TSNARE1: variants seen among roughly 807,000 people sequenced by gnomAD.
The protein encoded by TSNARE1 is t-SNARE domain containing 1, also known as t-SNARE domain-containing protein 1.
A neutral mutation model predicts 62.0 loss-of-function variants in TSNARE1; 49 were observed. The observed-to-expected ratio is 0.79, with a 90% CI of 0.63 to 1.00. TSNARE1 has a LOEUF of 1.00. Among genes scored for constraint, TSNARE1 ranks in the 50% least tolerant of loss-of-function variants. The pLI, the probability that TSNARE1 is intolerant of heterozygous loss-of-function variation, is 0.00. For missense variants in TSNARE1, 755 were observed against 700.1 expected (o/e 1.08, Z -0.88); for synonymous variants, 328 against 294.4 (o/e 1.11, Z -1.17).
Position 142,331,768 on chromosome 8 carries a change from C to A in TSNARE1, c.809G>T (p.Arg270Leu). 6.2e-7 allele frequency: 1 copy of A among 1,600,802 alleles called. No homozygotes were observed. Among genetic ancestry groups the A allele is most frequent in the South Asian group, 1.1e-5 (1 of 88,296 alleles). The change falls in exon 5 of 14, where the codon CGA becomes CTA. Residue 270 changes from arginine (R) to leucine (L), a missense_variant. Arg to Leu is a moderately radical substitution (Grantham distance 102, BLOSUM62 -2). Transcript: ENST00000524325. ...LFQEMSANVF[R>L]INSSVTSLER... is the part of the protein sequence containing the mutation. ...CGCACACTCACCACTGGAGTTGATT[C>A]GGAAGACGTTGGCCGACATCTCCTG...
intron 1 of TSNARE1, among the ~76,000 whole-genome samples, chr8:142,362,574 A>G (rs1454320842): frequency 6.6e-6 from 1 of 152,100 alleles, no homozygotes; most frequent in Non-Finnish European, 1.5e-5. Context: ...AAGAGCATAC[A>G]AGCACACTAG....
intron 12 of TSNARE1, among the ~76,000 whole-genome samples, chr8:142,244,058 C>G (rs1181226059): frequency 1.3e-5 from 2 of 152,128 alleles, no homozygotes; most frequent in Admixed American, 6.5e-5. Flanking sequence ...TGGTGGCAGG[C>G]GCCTGTGGTC....
Position 142,320,137 on chromosome 8 carries a change from C to T in TSNARE1, c.894-1503G>A, listed in dbSNP as rs146404581. ...GGGCTGCCACTCGGCCTCCCGTCCC[C>T]GGCCCACTCACCACTGCATCCCCTC... On this transcript the variant is annotated intron_variant, in intron 6 of 13. Transcript: ENST00000524325. 5.6e-3 allele frequency among the ~76,000 whole-genome samples: 849 copies of T among 152,300 alleles called. 11 individuals carry two copies. Among genetic ancestry groups the T allele is most frequent in the African/African-American group, 0.019 (794 of 41,552 alleles).
intron 11 of TSNARE1, chr8:142,278,871 GC>G: frequency 1.1e-6 from 1 of 903,518 alleles, no homozygotes; most frequent in Non-Finnish European, 1.3e-6. Context: ...ACAGCGTGGG[GC>G]GGGGAAGAGT....
chr8:142,367,065 T>C (rs996305640), intron 1 of TSNARE1, among the ~76,000 whole-genome samples: 1 of 152,076 alleles, frequency 6.6e-6, no homozygotes, highest in Non-Finnish European at 1.5e-5. Flanking sequence ...TAACATGAAA[T>C]GGGAAAAATC....
At chr8:142,398,842 TCCTAACAGGA>T (rs1238118749) in intron 1 of TSNARE1, among the ~76,000 whole-genome samples, 3 of 152,094 alleles carry the variant, frequency 2.0e-5, no homozygotes, top group Non-Finnish European at 4.4e-5. Flanking sequence ...TGGGTTCACA[TCCTAACAGGA>T]CCTACCCAAG....
At chr8:142,343,146 C>G (rs1054418791) in intron 4 of TSNARE1, among the ~76,000 whole-genome samples, 2 of 152,146 alleles carry the variant, frequency 1.3e-5, no homozygotes, top group African/African-American at 2.4e-5. Context: ...GCCTCAGCCT[C>G]AGGGTCTGCA....
intron 11 of TSNARE1, chr8:142,279,893 G>A (rs1195607409): frequency 1.9e-6 from 2 of 1,039,400 alleles, no homozygotes; most frequent in Non-Finnish European, 1.2e-6. Context: ...CCCTCGCCTT[G>A]GGGACCGTGG....
chr8:142,388,706 C>T lies in TSNARE1; in HGVS notation c.-40+14398G>A, dbSNP rs192288016. Among the ~76,000 whole-genome samples, 351 of 151,978 alleles carry T rather than the reference C, an allele frequency of 2.3e-3. 2 individuals are homozygous for T. The highest frequency in any genetic ancestry group is 7.5e-3 in the African/African-American group (309 of 41,448). ...CTGAGTAGCTGGGATTACAGGCACA[C>T]GCCACCATGCCCAGCTAGTTTTTGT... On this transcript the variant is annotated intron_variant, in intron 1 of 13. Transcript: ENST00000524325.
chr8:142,257,970 G>A (rs896969899), intron 12 of TSNARE1, among the ~76,000 whole-genome samples: 21 of 151,868 alleles, frequency 1.4e-4, no homozygotes, highest in African/African-American at 4.8e-4. Flanking sequence ...CACACCACCC[G>A]TGCTGTCTCA....
At chr8:142,348,050 C>T (rs555531615) in intron 2 of TSNARE1, among the ~76,000 whole-genome samples, 43 of 152,330 alleles carry the variant, frequency 2.8e-4, no homozygotes, top group Non-Finnish European at 5.1e-4. Flanking sequence ...GGGACATTTG[C>T]TGTTTGCTTT....
Position 142,314,456 on chromosome 8 carries a change from CAA to C in TSNARE1, c.1075-18_1075-17del, listed in dbSNP as rs764690782. On this transcript the variant is annotated splice_polypyrimidine_tract_variant and intron_variant, in intron 8 of 13. Coordinates refer to ENST00000524325, the MANE Select transcript of TSNARE1 (RefSeq NM_145003.5). ...CTGCAATTTTCTGTTGAAAAAAGGACAAGAGAAGAAAGACAGGAAGAGCAAAA... is the reference window on the plus strand; with the variant it reads ...CTGCAATTTTCTGTTGAAAAAAGGACGAGAAGAAAGACAGGAAGAGCAAAA... 2.5e-6 allele frequency: 4 copies of C among 1,612,970 alleles called. No individual in the cohort carries two copies. Among genetic ancestry groups the C allele is most frequent in the Non-Finnish European group, 3.4e-6 (4 of 1,179,362 alleles).
rs561331806 is a variant in TSNARE1, at chr8:142,280,965, G to A, written c.1363+3448C>T. 3.9e-5 allele frequency among the ~76,000 whole-genome samples: 6 copies of A among 152,290 alleles called. No homozygotes were observed. In the East Asian group the frequency reaches 9.7e-4, roughly 25 times the overall value. ...TGAGGGGCCGGCCTGGCCCAGCCCCGCCCCAGGGAGCAGCAGGGTGCTTGA... is the reference window on the plus strand; with the variant it reads ...TGAGGGGCCGGCCTGGCCCAGCCCCACCCCAGGGAGCAGCAGGGTGCTTGA... On this transcript the variant is annotated intron_variant, in intron 11 of 13. Coordinates refer to ENST00000524325, the MANE Select transcript of TSNARE1 (RefSeq NM_145003.5).
chr8:142,262,257 G>T (rs1374612271), intron 12 of TSNARE1, among the ~76,000 whole-genome samples: 1 of 151,994 alleles, frequency 6.6e-6, no homozygotes, highest in African/African-American at 2.4e-5. Context: ...ATTTTGATTG[G>T]AATTGCATTG....
intron 7 of TSNARE1, among the ~76,000 whole-genome samples, chr8:142,315,401 GGAC>G (rs1221344630): frequency 6.6e-6 from 1 of 152,246 alleles, no homozygotes. Flanking sequence ...CCACAGCGCA[GGAC>G]GTCGTGGCCC....
intron 10 of TSNARE1, among the ~76,000 whole-genome samples, chr8:142,296,024 G>A (rs1225037315): frequency 1.0e-5 from 1 of 97,996 alleles, no homozygotes; most frequent in Non-Finnish European, 2.1e-5. Context: ...TGGGAGAGAG[G>A]CAGTCACTGT....
At chr8:142,347,800 G>A (rs1274720235) in intron 2 of TSNARE1, among the ~76,000 whole-genome samples, 9 of 115,582 alleles carry the variant, frequency 7.8e-5, no homozygotes, top group Non-Finnish European at 1.6e-4. Flanking sequence ...CCATCACCTC[G>A]CCACACTGCA....
intron 1 of TSNARE1, among the ~76,000 whole-genome samples, chr8:142,397,957 G>A (rs1168317419): frequency 6.6e-6 from 1 of 151,998 alleles, no homozygotes; most frequent in Non-Finnish European, 1.5e-5. Context: ...CTCAGCCTGG[G>A]CCCCGGGTTC....
intron 4 of TSNARE1, 129 bp downstream of exon 4, chr8:142,343,837 A>AGGAGGAGGGGGGGGGGGG (rs1832976693): frequency 6.0e-6 from 3 of 496,806 alleles, no homozygotes; most frequent in African/African-American, 9.4e-5. Flanking sequence ...GGGAGAGGGG[A>AGGAGGAGGGGGGGGGGGG]AGGGGAGGAA....
Sources: gnomAD v4.1 joint callset for allele counts (sites outside exome capture counted in the v4.1 genomes callset) on GRCh38, gnomAD v4.1.1 for gene constraint, MANE v1.5 for transcripts, NCBI Gene and HGNC (gene_info 2026-07-23, HGNC 2026-07-21) for gene names.